PTPRC: variants seen among roughly 807,000 people sequenced by gnomAD.
PTPRC encodes receptor-type tyrosine-protein phosphatase C.
PTPRC carries 44 observed loss-of-function variants against 155.9 expected under a neutral mutation model. The observed-to-expected ratio is 0.28, with a 90% CI of 0.22 to 0.36. The LOEUF (loss-of-function observed/expected upper bound fraction) is 0.36, where lower values mean the gene tolerates loss of function less well. Ranked by LOEUF, PTPRC falls within the 10% of genes least tolerant of loss-of-function variation. The probability of loss-of-function intolerance (pLI) is 1.00; values close to 1 mark genes in which losing one functional copy is unlikely to be tolerated. For missense variants in PTPRC, 1,401 were observed against 1,564.6 expected (o/e 0.90, Z 1.76); for synonymous variants, 525 against 533.1 (o/e 0.98, Z 0.21).
chr1:198,728,242 A>G (rs1029722056), intron 15 of PTPRC, 98 bp from the exon 16 acceptor site: 1 of 886,182 alleles, frequency 1.1e-6, no homozygotes, highest in Admixed American at 2.7e-5. Context: ...CAATAAATTT[A>G]AAAATATTAA....
At chr1:198,709,872 G>A (rs1415512441) in intron 11 of PTPRC, 48 bp downstream of exon 11, 1 of 1,593,528 alleles carries the variant, frequency 6.3e-7, no homozygotes, top group Non-Finnish European at 8.6e-7. Flanking sequence ...CTCTCTTCAT[G>A]TTCTTATAAT....
intron 16 of PTPRC, among the ~76,000 whole-genome samples, chr1:198,728,789 A>C (rs1654258877): frequency 6.6e-6 from 1 of 152,192 alleles, no homozygotes; most frequent in Non-Finnish European, 1.5e-5. Context: ...GGGGAAGTTA[A>C]TGTGTTTCTT....
At chr1:198,683,387 A>G (rs1416234992) in intron 2 of PTPRC, among the ~76,000 whole-genome samples, 1 of 152,144 alleles carries the variant, frequency 6.6e-6, no homozygotes, top group Non-Finnish European at 1.5e-5. Flanking sequence ...AAAAACATAC[A>G]CTTACTAAGG....
At chr1:198,736,983 G>A (rs1558031718) in intron 23 of PTPRC, among the ~76,000 whole-genome samples, 2 of 151,742 alleles carry the variant, frequency 1.3e-5, no homozygotes, top group Admixed American at 1.3e-4. Flanking sequence ...CCATTTGTAT[G>A]TCTTCTTTTG....
intron 23 of PTPRC, among the ~76,000 whole-genome samples, chr1:198,741,238 T>C (rs1200326640): frequency 6.6e-6 from 1 of 151,884 alleles, no homozygotes; most frequent in Non-Finnish European, 1.5e-5. Context: ...TTATGACTTA[T>C]GCATCTTATG....
At chr1:198,738,364 T>A (rs1654744532) in intron 23 of PTPRC, among the ~76,000 whole-genome samples, 1 of 151,848 alleles carries the variant, frequency 6.6e-6, no homozygotes, top group Non-Finnish European at 1.5e-5. Context: ...TATGAAGAGA[T>A]GTTGAATTTT....
intron 2 of PTPRC, among the ~76,000 whole-genome samples, chr1:198,658,408 G>A (rs982535283): frequency 6.6e-6 from 1 of 152,082 alleles, no homozygotes; most frequent in Non-Finnish European, 1.5e-5. Context: ...TATACAAGGA[G>A]GGAATAAAAT....
At position 198,710,499 on chromosome 1, in the gene PTPRC, T is replaced by C. The variant is rs112055243; in HGVS notation, c.1171+675T>C. 7.1e-3 allele frequency among the ~76,000 whole-genome samples: 1,081 copies of C among 152,352 alleles called. 8 individuals carry two copies. The highest frequency in any genetic ancestry group is 0.011 in the Non-Finnish European group (754 of 68,020). ...ATCTGGGATTCTTTCAGGGATTGCA[T>C]TGAATCTGTGGATAAATTTGGGAAA... On this transcript the variant is annotated intron_variant, in intron 11 of 32. Coordinates refer to ENST00000442510, the MANE Select transcript of PTPRC (RefSeq NM_002838.5).
chr1:198,712,687 GT>G, intron 11 of PTPRC: 1 of 427,874 alleles, frequency 2.3e-6, no homozygotes, highest in Non-Finnish European at 4.2e-6. Context: ...TATGAATAAT[GT>G]ATATGAAAGG....
chr1:198,656,642 TTTTGTTTTTTG>T (rs1436588010), intron 2 of PTPRC, among the ~76,000 whole-genome samples: 6 of 87,820 alleles, frequency 6.8e-5, no homozygotes, highest in Admixed American at 1.4e-4. Context: ...GCTACTAGTT[TTTTGTTTTTTG>T]TTTTTTTTTT....
At chr1:198,669,578 T>A (rs1664526923) in intron 2 of PTPRC, among the ~76,000 whole-genome samples, 1 of 152,178 alleles carries the variant, frequency 6.6e-6, no homozygotes, top group African/African-American at 2.4e-5. Flanking sequence ...ATCCCACTGC[T>A]GAATCCCACC....
chr1:198,690,223 T>C (rs1665856062), intron 2 of PTPRC, among the ~76,000 whole-genome samples: 1 of 152,180 alleles, frequency 6.6e-6, no homozygotes, highest in Non-Finnish European at 1.5e-5. Flanking sequence ...GAAGGACACT[T>C]TTCCTTTCAC....
chr1:198,703,264 A>G, intron 6 of PTPRC, 34 bp from the exon 7 acceptor site: 1 of 1,611,424 alleles, frequency 6.2e-7, no homozygotes, highest in Non-Finnish European at 8.5e-7. Context: ...TAACGAATTA[A>G]TTAGCTTTTA....
At position 198,735,156 on chromosome 1, in the gene PTPRC, G is replaced by A; in HGVS notation, c.2307G>A (p.Met769Ile). 6.2e-7 allele frequency: 1 copy of A among 1,603,430 alleles called. No individual in the cohort carries two copies. ...RNKCAEYWPS[M>I]EEGTRAFGDV... ...AGTGTGCAGAATACTGGCCGTCAATGGAAGAGGGCACTCGGGCTTTTGGAG... is the reference window on the plus strand; with the variant it reads ...AGTGTGCAGAATACTGGCCGTCAATAGAAGAGGGCACTCGGGCTTTTGGAG... Residue 769 changes from methionine (M) to isoleucine (I), a missense_variant, in exon 23 of 33, where the codon ATG becomes ATA. Met to Ile is a conservative substitution (Grantham distance 10). Transcript: ENST00000442510.
At chr1:198,727,090 G>A (rs1654173174) in intron 15 of PTPRC, among the ~76,000 whole-genome samples, 1 of 151,840 alleles carries the variant, frequency 6.6e-6, no homozygotes, top group Non-Finnish European at 1.5e-5. Flanking sequence ...CAAACTCCTG[G>A]CCTCAAGTGA....
At chr1:198,644,511 C>T (rs1405670188) in intron 2 of PTPRC, among the ~76,000 whole-genome samples, 1 of 151,798 alleles carries the variant, frequency 6.6e-6, no homozygotes, top group Admixed American at 6.6e-5. Flanking sequence ...AATATTTAAT[C>T]TTCATTCCTG....
intron 2 of PTPRC, among the ~76,000 whole-genome samples, chr1:198,639,984 G>C (rs1207727159): frequency 3.3e-5 from 5 of 151,922 alleles, no homozygotes; most frequent in Non-Finnish European, 7.4e-5. Context: ...AGAAATTCTT[G>C]TGGAGCCACC....
At chr1:198,735,304 T>G (rs771536650) in intron 23 of PTPRC, 52 bp downstream of exon 23, 1 of 1,399,220 alleles carries the variant, frequency 7.1e-7, no homozygotes, top group Non-Finnish European at 9.9e-7. Context: ...TATAAAAATA[T>G]AATTATGGAA....
Position 198,741,977 on chromosome 1 carries a change from G to A in PTPRC, c.2512G>A (p.Val838Met). The A allele has an allele frequency of 2.5e-6, 4 of 1,611,902 alleles. No individual in the cohort carries two copies. The highest frequency in any genetic ancestry group is 3.4e-6 in the Non-Finnish European group (4 of 1,178,926). ...CTTGCTCCTCAAACTGAGAAGGAGA[G>A]TGAATGCCTTCAGCAATTTCTTCAG... is the stretch of plus-strand genomic sequence containing the variant. Reference protein sequence around the residue: ...PHLLLKLRRRVNAFSNFFSGP... With the variant: ...PHLLLKLRRRMNAFSNFFSGP... The change falls in exon 24 of 33, where the codon GTG (valine) becomes ATG (methionine). Residue 838 changes from valine (V) to methionine (M), a missense_variant. By Grantham distance (21) the Val-to-Met change is conservative (BLOSUM62 1). Coordinates refer to ENST00000442510, the MANE Select transcript of PTPRC (RefSeq NM_002838.5).
Sources: gnomAD v4.1 joint callset for allele counts (sites outside exome capture counted in the v4.1 genomes callset) on GRCh38, gnomAD v4.1.1 for gene constraint, MANE v1.5 for transcripts, NCBI Gene and HGNC (gene_info 2026-07-23, HGNC 2026-07-21) for gene names.